The following CNTNAP5 variants were observed in gnomAD, a reference collection of about 807,000 sequenced individuals.
The protein encoded by CNTNAP5 is contactin associated protein family member 5.
Under a neutral mutation model 150.2 loss-of-function variants are expected in CNTNAP5, and 72 were observed. That is an observed-to-expected ratio of 0.48 (90% CI 0.40 to 0.58). CNTNAP5 has a LOEUF of 0.58. CNTNAP5 is among the 20% of genes least tolerant of loss of function. CNTNAP5 has a pLI of 0.00. For missense variants in CNTNAP5, 1,636 were observed against 1,626.2 expected, an observed-to-expected ratio of 1.01 and a Z score of -0.10; for synonymous variants, 672 against 619.8, an observed-to-expected ratio of 1.08 and a Z score of -1.25.
chr2:124,175,966 G>C (rs945111804), intron 1 of CNTNAP5, among the ~76,000 whole-genome samples: 1 of 152,146 alleles, frequency 6.6e-6, no homozygotes, highest in Admixed American at 6.5e-5. Flanking sequence ...TGTGGTAATA[G>C]GATTACTGGG....
chr2:124,342,703 T>A (rs561838264), intron 3 of CNTNAP5, among the ~76,000 whole-genome samples: 4 of 152,106 alleles, frequency 2.6e-5, no homozygotes, highest in Non-Finnish European at 4.4e-5. Context: ...AAAAGGTAAA[T>A]GTTTCAATTC....
At chr2:124,736,708 C>T (rs1680389393) in intron 13 of CNTNAP5, among the ~76,000 whole-genome samples, 1 of 152,128 alleles carries the variant, frequency 6.6e-6, no homozygotes, top group Non-Finnish European at 1.5e-5. Flanking sequence ...GATGAATGCA[C>T]CTATATAGAA....
intron 3 of CNTNAP5, among the ~76,000 whole-genome samples, chr2:124,283,593 A>G (rs1192097324): frequency 6.6e-6 from 1 of 152,214 alleles, no homozygotes; most frequent in East Asian, 1.9e-4. Flanking sequence ...TCTTGGCAAT[A>G]TTAAATTTTT....
At chr2:124,305,804 C>T (rs1007167535) in intron 3 of CNTNAP5, among the ~76,000 whole-genome samples, 3 of 152,242 alleles carry the variant, frequency 2.0e-5, no homozygotes, top group Middle Eastern at 3.4e-3. Flanking sequence ...AACTTCTCAG[C>T]CTCCAGAATT....
intron 19 of CNTNAP5, among the ~76,000 whole-genome samples, chr2:124,807,856 G>A (rs1366713059): frequency 1.3e-5 from 2 of 152,062 alleles, no homozygotes; most frequent in Admixed American, 1.3e-4. Flanking sequence ...GGGCCAGGCA[G>A]AAATAATGGG....
intron 13 of CNTNAP5, among the ~76,000 whole-genome samples, chr2:124,734,391 G>A (rs915692805): frequency 3.3e-5 from 5 of 151,652 alleles, no homozygotes; most frequent in Admixed American, 6.6e-5. Context: ...TGTGAAGCAG[G>A]GTAAACAAAA....
At chr2:124,587,776 A>C in intron 11 of CNTNAP5, among the ~76,000 whole-genome samples, 1 of 152,198 alleles carries the variant, frequency 6.6e-6, no homozygotes, top group East Asian at 1.9e-4. Flanking sequence ...TAAGATGATA[A>C]AATCACTAGT....
chr2:124,784,598 C>T (rs1011053232), intron 17 of CNTNAP5, among the ~76,000 whole-genome samples: 1 of 152,078 alleles, frequency 6.6e-6, no homozygotes, highest in Non-Finnish European at 1.5e-5. Context: ...GATAGAGAAT[C>T]CCAGAGAATA....
At chr2:124,670,133 T>TTCCTTCCTTCC (rs1678782839) in intron 13 of CNTNAP5, among the ~76,000 whole-genome samples, 5 of 112,510 alleles carry the variant, frequency 4.4e-5, no homozygotes, top group African/African-American at 1.3e-4. Context: ...TCCTTCCTTC[T>TTCCTTCCTTCC]TTCCTTCCTT....
At chr2:124,358,438 G>A (rs944459400) in intron 3 of CNTNAP5, among the ~76,000 whole-genome samples, 1 of 152,152 alleles carries the variant, frequency 6.6e-6, no homozygotes, top group African/African-American at 2.4e-5. Flanking sequence ...TTGGCTGTGG[G>A]TGTGTCATAG....
chr2:124,264,917 T>C (rs776569359), intron 3 of CNTNAP5, among the ~76,000 whole-genome samples: 1 of 152,206 alleles, frequency 6.6e-6, no homozygotes, highest in Non-Finnish European at 1.5e-5. Context: ...TGGGTGTGTC[T>C]TTGGGCATGC....
At chr2:124,569,701 A>G (rs1696106695) in intron 11 of CNTNAP5, among the ~76,000 whole-genome samples, 1 of 152,144 alleles carries the variant, frequency 6.6e-6, no homozygotes, top group Non-Finnish European at 1.5e-5. Flanking sequence ...TGACATCCTA[A>G]CAATGCCCTT....
intron 3 of CNTNAP5, among the ~76,000 whole-genome samples, chr2:124,347,950 G>C (rs901435403): frequency 2.6e-5 from 4 of 151,668 alleles, no homozygotes; most frequent in African/African-American, 9.7e-5. Context: ...TCAGCCTCCC[G>C]AGTAGCTGGG....
At chr2:124,216,267 G>A (rs1686151317) in intron 1 of CNTNAP5, among the ~76,000 whole-genome samples, 1 of 151,902 alleles carries the variant, frequency 6.6e-6, no homozygotes, top group South Asian at 2.1e-4. Flanking sequence ...GAGTACAGAT[G>A]ACAGCAAAGT....
At chr2:124,215,389 C>T (rs1207526836) in intron 1 of CNTNAP5, among the ~76,000 whole-genome samples, 1 of 152,064 alleles carries the variant, frequency 6.6e-6, no homozygotes, top group East Asian at 1.9e-4. Context: ...TTTAAAGAGT[C>T]AATGATAATT....
At chr2:124,806,915 C>CT (rs34184441) in intron 19 of CNTNAP5, among the ~76,000 whole-genome samples, 90,709 of 144,104 alleles carry the variant, frequency 0.63, 28,725 homozygotes, top group East Asian at 0.83. Context: ...CTTTATTTTA[C>CT]TTTTTTTTTT....
chr2:124,337,074 G>T (rs1689490943), intron 3 of CNTNAP5, among the ~76,000 whole-genome samples: 1 of 152,130 alleles, frequency 6.6e-6, no homozygotes, highest in Non-Finnish European at 1.5e-5. Context: ...ATTTTAACTG[G>T]TGTGAGATGG....
intron 12 of CNTNAP5, among the ~76,000 whole-genome samples, chr2:124,627,751 G>A (rs1230630244): frequency 6.6e-6 from 1 of 152,078 alleles, no homozygotes; most frequent in African/African-American, 2.4e-5. Flanking sequence ...TCAGAAAGTG[G>A]GTAATAATAA....
At chr2:124,565,781 A>T (rs948789034) in intron 11 of CNTNAP5, among the ~76,000 whole-genome samples, 1 of 151,758 alleles carries the variant, frequency 6.6e-6, no homozygotes, top group Non-Finnish European at 1.5e-5. Flanking sequence ...TTATATTTTT[A>T]GTAGAGACGG....
Sources: gnomAD v4.1 joint callset for allele counts (sites outside exome capture counted in the v4.1 genomes callset) on GRCh38, gnomAD v4.1.1 for gene constraint, MANE v1.5 for transcripts, NCBI Gene and HGNC (gene_info 2026-07-23, HGNC 2026-07-21) for gene names.